The following NEGR1 variants were observed in gnomAD, a reference collection of about 807,000 sequenced individuals.
The protein encoded by NEGR1 is neuronal growth regulator 1, also known as IgLON family member 4.
In NEGR1, 10 loss-of-function variants were observed where a neutral mutation model predicts 40.9. That is an observed-to-expected ratio of 0.24 (90% CI 0.15 to 0.42). NEGR1 has a LOEUF of 0.42. NEGR1 is among the 10% of genes least tolerant of loss of function. The pLI, the probability that NEGR1 is intolerant of heterozygous loss-of-function variation, is 1.00. For missense variants in NEGR1, 352 were observed against 438.9 expected (o/e 0.80, Z 1.77); for synonymous variants, 185 against 166.8 (o/e 1.11, Z -0.84).
chr1:72,280,447 T>C (rs890748638), intron 1 of NEGR1, among the ~76,000 whole-genome samples: 2 of 152,188 alleles, frequency 1.3e-5, no homozygotes, highest in African/African-American at 4.8e-5. Context: ...GCTCCCATGA[T>C]ATGTGTTTGC....
intron 2 of NEGR1, among the ~76,000 whole-genome samples, chr1:71,805,878 G>A (rs1238107998): frequency 2.0e-5 from 3 of 152,142 alleles, no homozygotes; most frequent in Non-Finnish European, 2.9e-5. Flanking sequence ...ATTTGCTTTT[G>A]CAAACTGCTT....
At chr1:72,134,782 G>C (rs1465837107) in intron 1 of NEGR1, among the ~76,000 whole-genome samples, 1 of 151,260 alleles carries the variant, frequency 6.6e-6, no homozygotes, top group Non-Finnish European at 1.5e-5. Flanking sequence ...TTGTTGCCCA[G>C]GATGGAGTGC....
intron 1 of NEGR1, among the ~76,000 whole-genome samples, chr1:72,240,443 T>A (rs1410781133): frequency 6.6e-6 from 1 of 151,800 alleles, no homozygotes; most frequent in Non-Finnish European, 1.5e-5. Context: ...AACTACTGCA[T>A]CCAGATCAGC....
At chr1:71,679,548 T>A (rs1377910764) in intron 4 of NEGR1, among the ~76,000 whole-genome samples, 2 of 152,150 alleles carry the variant, frequency 1.3e-5, no homozygotes, top group African/African-American at 2.4e-5. Context: ...TAAACTCTTA[T>A]TAATTGAAAT....
At chr1:72,048,896 C>T (rs145500267) in intron 1 of NEGR1, among the ~76,000 whole-genome samples, 14 of 151,598 alleles carry the variant, frequency 9.2e-5, no homozygotes, top group African/African-American at 3.4e-4. Context: ...ATACCACTGG[C>T]CCAAAATCAT....
intron 3 of NEGR1, among the ~76,000 whole-genome samples, chr1:71,757,196 A>G (rs1655775000): frequency 6.6e-6 from 1 of 152,120 alleles, no homozygotes; most frequent in African/African-American, 2.4e-5. Flanking sequence ...GCTAGGAGAC[A>G]TTTCATGGGT....
intron 4 of NEGR1, among the ~76,000 whole-genome samples, chr1:71,632,584 T>A (rs1267244054): frequency 6.6e-6 from 1 of 151,420 alleles, no homozygotes; most frequent in Non-Finnish European, 1.5e-5. Context: ...AAATATACAC[T>A]GAATATTGAT....
intron 6 of NEGR1, among the ~76,000 whole-genome samples, chr1:71,449,292 A>C (rs919485131): frequency 3.9e-5 from 6 of 152,228 alleles, no homozygotes; most frequent in African/African-American, 1.4e-4. Context: ...TTGATTTGAC[A>C]CTGTTTACAC....
At chr1:71,424,324 A>T (rs1266886897) in intron 6 of NEGR1, among the ~76,000 whole-genome samples, 1 of 152,106 alleles carries the variant, frequency 6.6e-6, no homozygotes, top group Non-Finnish European at 1.5e-5. Flanking sequence ...TTTATTATTC[A>T]TTTGTTCATA....
At chr1:72,080,102 A>G (rs1020143908) in intron 1 of NEGR1, among the ~76,000 whole-genome samples, 6 of 152,078 alleles carry the variant, frequency 3.9e-5, no homozygotes, top group Admixed American at 1.3e-4. Context: ...TGCAATCCCC[A>G]TGATGTTCAT....
intron 2 of NEGR1, among the ~76,000 whole-genome samples, chr1:71,867,804 T>C (rs1337308655): frequency 6.6e-6 from 1 of 152,200 alleles, no homozygotes; most frequent in African/African-American, 2.4e-5. Flanking sequence ...AACATGATAG[T>C]TACTTCATAA....
chr1:72,011,744 A>T (rs1037813608), intron 1 of NEGR1, among the ~76,000 whole-genome samples: 1 of 152,188 alleles, frequency 6.6e-6, no homozygotes, highest in African/African-American at 2.4e-5. Flanking sequence ...TGGTTAAAGA[A>T]GGCTTCTAGA....
chr1:71,914,007 T>C lies in NEGR1; in HGVS notation c.409+21072A>G, dbSNP rs1305073609. Among the ~76,000 whole-genome samples the C allele has an allele frequency of 2.6e-5, 4 of 152,252 alleles. No individual in the cohort carries two copies. The East Asian group carries it at 5.8e-4, about 22-fold the overall frequency. On this transcript the variant is annotated intron_variant, in intron 2 of 6. Transcript: ENST00000357731. The stretch of plus-strand genomic sequence containing the variant: ...AACATTCTCTCCATTAACATAACAA[T>C]TGCTAAATTTAAAACAAAGACATTC...
chr1:71,951,236 A>G (rs936236767), intron 1 of NEGR1, among the ~76,000 whole-genome samples: 4 of 151,996 alleles, frequency 2.6e-5, no homozygotes, highest in Admixed American at 1.3e-4. Context: ...TCTCTTACAT[A>G]TAATGAGAAA....
chr1:71,810,034 T>A (rs1018519829), intron 2 of NEGR1, among the ~76,000 whole-genome samples: 1 of 152,172 alleles, frequency 6.6e-6, no homozygotes, highest in Non-Finnish European at 1.5e-5. Flanking sequence ...CCAGATGAAG[T>A]TGGTTATGAA....
intron 4 of NEGR1, among the ~76,000 whole-genome samples, chr1:71,688,393 A>AAAC (rs58551950): frequency 3.1e-5 from 1 of 32,142 alleles, no homozygotes; most frequent in Non-Finnish European, 5.6e-5. Context: ...AGATATATAA[A>AAAC]ATATATATAT....
chr1:71,587,488 C>T (rs780026236), intron 6 of NEGR1, among the ~76,000 whole-genome samples: 7 of 152,056 alleles, frequency 4.6e-5, no homozygotes, highest in Non-Finnish European at 7.4e-5. Context: ...AGTTAAAAAG[C>T]CCTGACTGCA....
intron 1 of NEGR1, among the ~76,000 whole-genome samples, chr1:72,131,798 A>G (rs1451005212): frequency 6.6e-6 from 1 of 152,156 alleles, no homozygotes; most frequent in Non-Finnish European, 1.5e-5. Flanking sequence ...CCTTAAGGGT[A>G]TTTTACTCCC....
intron 1 of NEGR1, among the ~76,000 whole-genome samples, chr1:72,248,753 T>C (rs537997501): frequency 3.4e-4 from 52 of 151,454 alleles, no homozygotes; most frequent in African/African-American, 1.2e-3. Context: ...TGGCTAATTT[T>C]TCTATTTTTA....
Sources: allele counts gnomAD v4.1 joint callset (sites outside exome capture counted in the v4.1 genomes callset), GRCh38; gene constraint gnomAD v4.1.1; transcripts MANE v1.5; gene names NCBI Gene and HGNC (gene_info 2026-07-23, HGNC 2026-07-21).